Variants in MANBA observed in about 807,000 individuals in gnomAD.
MANBA encodes beta-mannosidase.
Under a neutral mutation model 111.1 loss-of-function variants are expected in MANBA, and 83 were observed. The observed-to-expected ratio is 0.75, with a 90% CI of 0.63 to 0.90. The LOEUF is 0.90. MANBA is among the 40% of genes least tolerant of loss of function. The pLI is 0.00. For synonymous variants in MANBA, 370 were observed against 378.7 expected (o/e 0.98, Z 0.27); for missense variants, 1,036 against 1,069.0 (o/e 0.97, Z 0.43).
chr4:102,721,700 A>ATATAACAT (rs1722581302), intron 4 of MANBA, among the ~76,000 whole-genome samples: 1 of 152,176 alleles, frequency 6.6e-6, no homozygotes, highest in African/African-American at 2.4e-5. Flanking sequence ...GATTCCACTT[A>ATATAACAT]TATAACATTT....
intron 5 of MANBA, among the ~76,000 whole-genome samples, chr4:102,693,032 T>C (rs1384468494): frequency 6.6e-6 from 1 of 152,222 alleles, no homozygotes; most frequent in Non-Finnish European, 1.5e-5. Context: ...CACATTGAAG[T>C]AAAATTAATC....
intron 7 of MANBA, among the ~76,000 whole-genome samples, chr4:102,686,822 G>C (rs1297501837): frequency 1.3e-5 from 2 of 152,042 alleles, no homozygotes; most frequent in East Asian, 3.9e-4. Context: ...TTCTGTCCTA[G>C]CTCTTTTCTC....
At chr4:102,720,946 G>A (rs1303216362) in intron 4 of MANBA, among the ~76,000 whole-genome samples, 1 of 152,166 alleles carries the variant, frequency 6.6e-6, no homozygotes, top group Non-Finnish European at 1.5e-5. Flanking sequence ...AATTTAATCA[G>A]AACATATTAG....
chr4:102,636,215 T>G (rs1729627822), intron 14 of MANBA, among the ~76,000 whole-genome samples: 1 of 152,182 alleles, frequency 6.6e-6, no homozygotes, highest in African/African-American at 2.4e-5. Context: ...GGGCAGGCAC[T>G]AACGAACCAG....
chr4:102,699,540 CTAATT>C (rs975723760), intron 5 of MANBA, among the ~76,000 whole-genome samples: 1 of 150,338 alleles, frequency 6.7e-6, no homozygotes, highest in Non-Finnish European at 1.5e-5. Flanking sequence ...CCATCAATAC[CTAATT>C]TATTGAGAGT....
At chr4:102,702,564 T>G (rs535217012) in intron 5 of MANBA, among the ~76,000 whole-genome samples, 2 of 152,290 alleles carry the variant, frequency 1.3e-5, no homozygotes, top group East Asian at 3.8e-4. Context: ...TTTGTTAGTT[T>G]TCCTTCTAAC....
chr4:102,705,374 C>A (rs2110263259), intron 5 of MANBA, among the ~76,000 whole-genome samples: 1 of 152,294 alleles, frequency 6.6e-6, no homozygotes, highest in Non-Finnish European at 1.5e-5. Flanking sequence ...GAATGGACTG[C>A]AGGCTGACTT....
chr4:102,760,578 A>G (rs1340661174), intron 1 of MANBA, 140 bp downstream of exon 1: 5 of 970,602 alleles, frequency 5.2e-6, no homozygotes, highest in Non-Finnish European at 7.4e-6. Context: ...CCCCCCGCAG[A>G]TCACAAGATG....
chr4:102,644,738 T>C (rs1452216965), intron 13 of MANBA, among the ~76,000 whole-genome samples: 1 of 151,984 alleles, frequency 6.6e-6, no homozygotes, highest in Non-Finnish European at 1.5e-5. Context: ...TATTTGAAAA[T>C]TGCTAACAGG....
At chr4:102,676,461 T>C (rs897169317) in intron 7 of MANBA, among the ~76,000 whole-genome samples, 4 of 151,998 alleles carry the variant, frequency 2.6e-5, no homozygotes, top group Admixed American at 6.6e-5. Context: ...CTGTTGACAT[T>C]GCAGAATGCT....
In MANBA at chr4:102,667,594, T is replaced by C. The variant is rs367891885; in HGVS notation, c.1317+1369A>G. The C allele has an allele frequency of 3.3e-5, 5 of 152,334 alleles. No individual in the cohort carries two copies. The East Asian group carries it at 7.7e-4, about 23-fold the overall frequency. The allele number at this position is 152,334 out of a possible 1,614,324, so 9.4% of individuals were successfully genotyped here. On this transcript the variant is annotated intron_variant, in intron 10 of 16. Transcript: ENST00000647097. Reference sequence around the variant, plus strand: ...GCATGACTTACACGTATTATCCTATTTAATTTTTGAAACAGTTTCATGAGG... The same window carrying C: ...GCATGACTTACACGTATTATCCTATCTAATTTTTGAAACAGTTTCATGAGG...
At position 102,699,653 on chromosome 4, in the gene MANBA, A is replaced by G. The variant is rs1056355215; in HGVS notation, c.674-8882T>C. The stretch of plus-strand genomic sequence containing the variant: ...GTCTTTGGTTCTGTTTATATGATGT[A>G]TTACATTGATTGATTTGCATATATT... On this transcript the variant is annotated intron_variant, in intron 5 of 16. Coordinates refer to ENST00000647097, the MANE Select transcript of MANBA (RefSeq NM_005908.4). 3.1e-4 allele frequency among the ~76,000 whole-genome samples: 47 copies of G among 150,876 alleles called. 1 individual carries two copies. Among genetic ancestry groups the G allele is most frequent in the African/African-American group, 1.1e-3 (45 of 40,450 alleles).
chr4:102,646,074 A>C (rs1345333098), intron 13 of MANBA, among the ~76,000 whole-genome samples: 1 of 152,136 alleles, frequency 6.6e-6, no homozygotes, highest in Non-Finnish European at 1.5e-5. Flanking sequence ...TATGAAATGG[A>C]AAGAGTGATA....
At chr4:102,675,994 T>C (rs1331166098) in intron 7 of MANBA, among the ~76,000 whole-genome samples, 1 of 152,082 alleles carries the variant, frequency 6.6e-6, no homozygotes, top group African/African-American at 2.4e-5. Flanking sequence ...AGGCTTACCT[T>C]CTCAACCTAT....
chr4:102,693,803 A>C (rs961262186), intron 5 of MANBA, among the ~76,000 whole-genome samples: 3 of 152,144 alleles, frequency 2.0e-5, no homozygotes, highest in Non-Finnish European at 4.4e-5. Flanking sequence ...TATTACCCCC[A>C]AAAAAGGCCA....
Position 102,689,652 on chromosome 4 carries a change from T to C in MANBA, c.882A>G (p.Gly294=). Residue 294 remains glycine, a synonymous_variant, in exon 7 of 17, where the codon GGA becomes GGG. Transcript: ENST00000647097. ...TGTTGTACCCAGTCTGGTTTCCATG[T>C]CCATGAGGCCACCAAGTTTCTACAG... is the stretch of plus-strand genomic sequence containing the variant. ...NITVETWWPH[G]HGNQTGYNMT... The C allele has an allele frequency of 6.2e-7, 1 of 1,609,172 alleles. No homozygotes were observed. The highest frequency in any genetic ancestry group is 8.5e-7 in the Non-Finnish European group (1 of 1,175,782).
chr4:102,640,552 G>A (rs228611), intron 13 of MANBA, among the ~76,000 whole-genome samples: 61,403 of 151,894 alleles, frequency 0.4, 13,361 homozygotes, highest in South Asian at 0.55. Context: ...TATCGCTGCC[G>A]TTACCGACAC....
rs111412346 is a variant in MANBA, at chr4:102,689,380, G to A, written c.960+194C>T. Among the ~76,000 whole-genome samples the A allele has an allele frequency of 0.082, 4,373 of 53,408 alleles. 87 individuals are homozygous for A. Among genetic ancestry groups the A allele is most frequent in the African/African-American group, 0.12 (2,130 of 17,436 alleles). 35.0% of individuals were successfully genotyped at this position (53,408 alleles called of 152,430 possible). A position where few individuals can be genotyped will look rare whatever the true frequency, so the allele number is the denominator to read the frequency against. ...AAAAAATATATATATATATATATAT[G>A]TGTGTGTGTATATATATGTATGTAT... On this transcript the variant is annotated intron_variant, in intron 7 of 16. Coordinates refer to ENST00000647097, the MANE Select transcript of MANBA (RefSeq NM_005908.4).
intron 1 of MANBA, among the ~76,000 whole-genome samples, chr4:102,758,581 A>G (rs1366531916): frequency 6.9e-6 from 1 of 145,378 alleles, no homozygotes; most frequent in African/African-American, 2.6e-5. Context: ...AGAGGGTGTC[A>G]CTCTGTTGCC....
Sources: allele counts gnomAD v4.1 joint callset (sites outside exome capture counted in the v4.1 genomes callset), GRCh38; gene constraint gnomAD v4.1.1; transcripts MANE v1.5; gene names NCBI Gene and HGNC (gene_info 2026-07-23, HGNC 2026-07-21).